TUSC3: variants seen among roughly 807,000 people sequenced by gnomAD.
The protein encoded by TUSC3 is tumor suppressor candidate 3, also known as dolichyl-diphosphooligosaccharide--protein glycosyltransferase subunit TUSC3.
Under a neutral mutation model 44.8 loss-of-function variants are expected in TUSC3, and 45 were observed. The observed-to-expected ratio is 1.00, with a 90% CI of 0.79 to 1.29. The LOEUF is 1.29. TUSC3 is among the 50% of genes most tolerant of loss of function. TUSC3 has a pLI of 0.00. For missense variants in TUSC3, 519 were observed against 437.9 expected (o/e 1.19, Z -1.65); for synonymous variants, 212 against 152.9 (o/e 1.39, Z -2.85).
In TUSC3 at chr8:15,758,205, A is replaced by G. The variant is rs546221581; in HGVS notation, c.*46+350A>G. 6.3e-5 allele frequency: 64 copies of G among 1,019,746 alleles called. 1 individual carries two copies. In the Middle Eastern group the frequency reaches 2.9e-3, roughly 47 times the overall value. 63.2% of individuals were successfully genotyped at this position (1,019,746 alleles called of 1,614,324 possible). On this transcript the variant is annotated intron_variant, in intron 10 of 10. Transcript: ENST00000503731. ...CATTCTATCTAGGAAAAATGTAGCC[A>G]AATCTTTTTTCCCATTAACAAATAA...
intron 2 of TUSC3, among the ~76,000 whole-genome samples, chr8:15,512,256 A>G (rs1466059747): frequency 6.6e-6 from 1 of 152,186 alleles, no homozygotes; most frequent in African/African-American, 2.4e-5. Context: ...GTGGACTTTG[A>G]GTAAAGCAGG....
intron 6 of TUSC3, chr8:15,689,156 C>G (rs1021235974): frequency 4.9e-6 from 2 of 407,428 alleles, no homozygotes; most frequent in African/African-American, 4.3e-5. Flanking sequence ...CTTTTTCTTT[C>G]CACTCTGCTT....
rs187637284 is a variant in TUSC3, at chr8:15,438,193, C to G, written n.91+20888C>G. Among the ~76,000 whole-genome samples, 682 of 152,258 alleles carry G rather than the reference C, an allele frequency of 4.5e-3. 7 individuals carry two copies. The highest frequency in any genetic ancestry group is 0.016 in the African/African-American group (652 of 41,552). ...CCCTGCAATCTCCGTCTCCTGGGTTCAACTGAATCTCCTGCCTCAGCCTCC... is the reference window on the plus strand; with the variant it reads ...CCCTGCAATCTCCGTCTCCTGGGTTGAACTGAATCTCCTGCCTCAGCCTCC... On this transcript the variant is annotated intron_variant and non_coding_transcript_variant, in intron 1 of 5. Coordinates refer to the TUSC3 transcript ENST00000503191.
intron 6 of TUSC3, among the ~76,000 whole-genome samples, chr8:15,725,863 C>A (rs1280431712): frequency 6.6e-6 from 1 of 152,162 alleles, no homozygotes. Context: ...TTCATGCTGT[C>A]AGTTTCCAAT....
At chr8:15,826,058 T>C in the TUSC3 span, among the ~76,000 whole-genome samples, 1 of 152,130 alleles carries the variant, frequency 6.6e-6, no homozygotes, top group Admixed American at 6.6e-5. Flanking sequence ...CATGTTACTT[T>C]GTATTTCTAG....
At chr8:15,430,282 G>A (rs564929151) in intron 1 of TUSC3, among the ~76,000 whole-genome samples, 2 of 147,558 alleles carry the variant, frequency 1.4e-5, no homozygotes, top group African/African-American at 5.1e-5. Context: ...TATCCACCAT[G>A]ATCAAGTGGG....
intron 1 of TUSC3, among the ~76,000 whole-genome samples, chr8:15,618,565 A>G (rs1193553359): frequency 1.3e-5 from 2 of 152,186 alleles, no homozygotes; most frequent in East Asian, 3.9e-4. Flanking sequence ...CAGTTATGGA[A>G]CTGTCATCTC....
chr8:15,817,779 C>G, the TUSC3 span, among the ~76,000 whole-genome samples: 3 of 152,122 alleles, frequency 2.0e-5, no homozygotes, highest in South Asian at 6.2e-4. Context: ...AGCAGTGTGA[C>G]AGCAGACTAA....
chr8:15,717,010 G>A (rs1325869922), intron 6 of TUSC3, among the ~76,000 whole-genome samples: 1 of 152,088 alleles, frequency 6.6e-6, no homozygotes, highest in East Asian at 1.9e-4. Flanking sequence ...ATATATTGAA[G>A]GATGTATTTG....
chr8:15,756,787 T>G (rs1387051338), intron 9 of TUSC3, among the ~76,000 whole-genome samples: 2 of 152,164 alleles, frequency 1.3e-5, no homozygotes, highest in Non-Finnish European at 2.9e-5. Flanking sequence ...GTTGTCAGGT[T>G]GTTCTTCATA....
intron 2 of TUSC3, among the ~76,000 whole-genome samples, chr8:15,520,541 GC>G (rs1285184485): frequency 6.6e-6 from 1 of 152,144 alleles, no homozygotes; most frequent in Admixed American, 6.6e-5. Flanking sequence ...CCTATAACAT[GC>G]CTTGAAACAT....
At chr8:15,605,559 T>C (rs1804485163) in intron 1 of TUSC3, among the ~76,000 whole-genome samples, 1 of 151,854 alleles carries the variant, frequency 6.6e-6, no homozygotes, top group South Asian at 2.1e-4. Context: ...TTTTAAGATA[T>C]GTGACAATTT....
chr8:15,539,575 C>G (rs1801603684), upstream of TUSC3, among the ~76,000 whole-genome samples: 1 of 152,008 alleles, frequency 6.6e-6, no homozygotes, highest in Admixed American at 6.5e-5. Flanking sequence ...TGGTCTTGAA[C>G]TCCTGACCTC....
intron 1 of TUSC3, among the ~76,000 whole-genome samples, chr8:15,419,216 A>C (rs1799694643): frequency 1.3e-5 from 2 of 152,228 alleles, no homozygotes; most frequent in Non-Finnish European, 2.9e-5. Context: ...CCACGATAAA[A>C]GATTTGGCAA....
At chr8:15,479,956 C>G (rs1282534915) in intron 1 of TUSC3, among the ~76,000 whole-genome samples, 1 of 152,130 alleles carries the variant, frequency 6.6e-6, no homozygotes, top group African/African-American at 2.4e-5. Flanking sequence ...AGCAAAGTCT[C>G]AGGATACAAA....
At chr8:15,842,431 T>A in the TUSC3 span, among the ~76,000 whole-genome samples, 1 of 152,206 alleles carries the variant, frequency 6.6e-6, no homozygotes, top group Non-Finnish European at 1.5e-5. Flanking sequence ...AATAAAGCCT[T>A]GACATGTTTT....
At chr8:15,478,441 C>T (rs1420390929) in intron 1 of TUSC3, among the ~76,000 whole-genome samples, 1 of 152,106 alleles carries the variant, frequency 6.6e-6, no homozygotes, top group Non-Finnish European at 1.5e-5. Context: ...CAACTCCCGC[C>T]AAGAGGCCCC....
At chr8:15,444,982 A>C (rs1209918246) in intron 1 of TUSC3, among the ~76,000 whole-genome samples, 2 of 152,100 alleles carry the variant, frequency 1.3e-5, no homozygotes, top group Non-Finnish European at 2.9e-5. Flanking sequence ...AAGCTGGGAA[A>C]CTCATTTTTC....
intron 6 of TUSC3, among the ~76,000 whole-genome samples, chr8:15,707,692 G>C (rs779780567): frequency 1.3e-5 from 2 of 151,944 alleles, no homozygotes; most frequent in Non-Finnish European, 2.9e-5. Flanking sequence ...GAAAAGCTCA[G>C]ATGTTTACAT....
Sources: gnomAD v4.1 joint callset for allele counts (sites outside exome capture counted in the v4.1 genomes callset) on GRCh38, gnomAD v4.1.1 for gene constraint, MANE v1.5 for transcripts, NCBI Gene and HGNC (gene_info 2026-07-23, HGNC 2026-07-21) for gene names.